Variants in LRMDA observed in about 807,000 individuals in gnomAD.
The protein encoded by LRMDA is leucine-rich melanocyte differentiation-associated protein.
LRMDA carries 18 observed loss-of-function variants against 29.8 expected under a neutral mutation model. The observed-to-expected ratio is 0.60, with a 90% CI of 0.42 to 0.90. The LOEUF (loss-of-function observed/expected upper bound fraction) is 0.90, where lower values mean the gene tolerates loss of function less well. Among genes scored for constraint, LRMDA ranks in the 40% least tolerant of loss-of-function variants. LRMDA has a pLI of 0.00. For synonymous variants in LRMDA, 125 were observed against 109.4 expected (o/e 1.14, Z -0.89); for missense variants, 273 against 273.9 (o/e 1.00, Z 0.02).
At chr10:75,825,613 T>C (rs539651613) in intron 2 of LRMDA, among the ~76,000 whole-genome samples, 62 of 152,180 alleles carry the variant, frequency 4.1e-4, no homozygotes, top group African/African-American at 1.4e-3. Flanking sequence ...TTACACCAGT[T>C]TAATATGAAT....
intron 2 of LRMDA, among the ~76,000 whole-genome samples, chr10:75,739,301 T>C (rs373665768): frequency 6.6e-6 from 1 of 152,206 alleles, no homozygotes; most frequent in Non-Finnish European, 1.5e-5. Flanking sequence ...GGCCCAGAGA[T>C]TGGCCTTGGG....
intron 2 of LRMDA, among the ~76,000 whole-genome samples, chr10:75,784,680 C>T (rs540921956): frequency 3.5e-5 from 5 of 144,640 alleles, no homozygotes; most frequent in African/African-American, 1.3e-4. Context: ...TACAGCCTGG[C>T]GACAGAGCGA....
intron 6 of LRMDA, among the ~76,000 whole-genome samples, chr10:76,475,473 A>G (rs1009017427): frequency 1.3e-5 from 2 of 152,072 alleles, no homozygotes; most frequent in Non-Finnish European, 2.9e-5. Context: ...CCCCACTGTT[A>G]ACATTGGACA....
At chr10:76,523,301 T>C (rs1021879960) in intron 6 of LRMDA, among the ~76,000 whole-genome samples, 3 of 152,162 alleles carry the variant, frequency 2.0e-5, no homozygotes, top group South Asian at 4.1e-4. Flanking sequence ...TCGAAGGGCT[T>C]TCCACTGGGG....
intron 6 of LRMDA, among the ~76,000 whole-genome samples, chr10:76,384,272 A>C (rs1379649650): frequency 6.6e-6 from 1 of 152,204 alleles, no homozygotes; most frequent in African/African-American, 2.4e-5. Context: ...TTTATCTATT[A>C]ACCAATGTAT....
At chr10:76,408,997 C>T (rs1564533333) in intron 6 of LRMDA, among the ~76,000 whole-genome samples, 2 of 152,162 alleles carry the variant, frequency 1.3e-5, no homozygotes, top group Non-Finnish European at 2.9e-5. Context: ...ATGATGGAAG[C>T]AAACAAAGAA....
intron 2 of LRMDA, among the ~76,000 whole-genome samples, chr10:75,691,089 TATGTA>T: frequency 1.0e-5 from 1 of 97,492 alleles, no homozygotes; most frequent in African/African-American, 6.9e-5. Flanking sequence ...TCTATATATC[TATGTA>T]CATAGATATA....
chr10:76,278,603 C>A (rs1361987465), intron 5 of LRMDA, among the ~76,000 whole-genome samples: 2 of 152,150 alleles, frequency 1.3e-5, no homozygotes, highest in East Asian at 3.9e-4. Flanking sequence ...CTATTACCTG[C>A]CTTTGTTAGT....
chr10:76,222,872 T>C (rs1194695473), intron 5 of LRMDA, among the ~76,000 whole-genome samples: 2 of 151,882 alleles, frequency 1.3e-5, no homozygotes, highest in African/African-American at 4.8e-5. Flanking sequence ...AACCCAAATG[T>C]CCAACAATGA....
chr10:75,546,732 C>T (rs947262189), intron 2 of LRMDA, among the ~76,000 whole-genome samples: 2 of 150,222 alleles, frequency 1.3e-5, no homozygotes, highest in Non-Finnish European at 3.0e-5. Context: ...GGAGAGAAGA[C>T]CTACACATAT....
At chr10:75,495,514 C>G (rs1373224787) in intron 2 of LRMDA, among the ~76,000 whole-genome samples, 2 of 152,278 alleles carry the variant, frequency 1.3e-5, no homozygotes, top group East Asian at 1.9e-4. Flanking sequence ...AAAAAGTGAC[C>G]AAACAGCTGG....
chr10:75,705,988 A>G (rs1221935745), intron 2 of LRMDA, among the ~76,000 whole-genome samples: 1 of 152,226 alleles, frequency 6.6e-6, no homozygotes, highest in Non-Finnish European at 1.5e-5. Context: ...CCGCATTATC[A>G]CAACTTTTAT....
rs111485926 is a variant in LRMDA, at chr10:76,119,823, G to T, written c.516+61040G>T. On this transcript the variant is annotated intron_variant, in intron 5 of 6. Transcript: ENST00000611255. The stretch of plus-strand genomic sequence containing the variant: ...TAATTCGTCATGGCTTTGGCATGAT[G>T]AATCTCAATTTATGTCCATTTATAT... Among the ~76,000 whole-genome samples, 9 of 152,298 alleles carry T rather than the reference G, an allele frequency of 5.9e-5. 1 individual carries two copies. The highest frequency in any genetic ancestry group is 1.7e-4 in the African/African-American group (7 of 41,562).
chr10:75,664,252 C>A (rs1305217654), intron 2 of LRMDA, among the ~76,000 whole-genome samples: 1 of 152,220 alleles, frequency 6.6e-6, no homozygotes, highest in African/African-American at 2.4e-5. Context: ...CATACAATGA[C>A]AAACCCAAGT....
At chr10:75,816,855 T>G (rs545769388) in intron 2 of LRMDA, among the ~76,000 whole-genome samples, 14 of 152,310 alleles carry the variant, frequency 9.2e-5, no homozygotes, top group Non-Finnish European at 1.5e-4. Context: ...TTCTCTCAAT[T>G]TTCTCAGTAC....
chr10:75,681,641 A>G (rs1842024051), intron 2 of LRMDA, among the ~76,000 whole-genome samples: 1 of 152,188 alleles, frequency 6.6e-6, no homozygotes, highest in Admixed American at 6.5e-5. Context: ...GCCAAATAGC[A>G]CAAGCACACT....
chr10:76,113,269 C>T (rs554799247), intron 5 of LRMDA, among the ~76,000 whole-genome samples: 1 of 151,918 alleles, frequency 6.6e-6, no homozygotes, highest in East Asian at 1.9e-4. Context: ...AGACCTAGCC[C>T]GATGGGTCTT....
chr10:76,478,592 G>T (rs1445376004), intron 6 of LRMDA, among the ~76,000 whole-genome samples: 2 of 152,054 alleles, frequency 1.3e-5, no homozygotes, highest in African/African-American at 2.4e-5. Context: ...AAAGACACAT[G>T]TACACGTATG....
chr10:76,498,558 T>G lies in LRMDA; in HGVS notation c.602-58651T>G, dbSNP rs570002412. ...TCCTCAAGCCTTTTCCTATGAAAAC[T>G]CTCAGGTTTTGTCAGCTGGGTCAAT... is the stretch of plus-strand genomic sequence containing the variant. On this transcript the variant is annotated intron_variant, in intron 6 of 6. Coordinates refer to ENST00000611255, the MANE Select transcript of LRMDA (RefSeq NM_001305581.2). Among the ~76,000 whole-genome samples, 5 of 76,016 alleles carry G rather than the reference T, an allele frequency of 6.6e-5. 2 individuals are homozygous for G. The highest frequency in any genetic ancestry group is 1.6e-4 in the African/African-American group (5 of 31,220). 49.9% of individuals were successfully genotyped at this position (76,016 alleles called of 152,430 possible). A position where few individuals can be genotyped will look rare whatever the true frequency, so the allele number is the denominator to read the frequency against.
Sources: allele counts gnomAD v4.1 joint callset (sites outside exome capture counted in the v4.1 genomes callset), GRCh38; gene constraint gnomAD v4.1.1; transcripts MANE v1.5; gene names NCBI Gene and HGNC (gene_info 2026-07-23, HGNC 2026-07-21).